The following NLK variants were observed in gnomAD, a reference collection of about 807,000 sequenced individuals.
The protein encoded by NLK is serine/threonine-protein kinase NLK.
NLK carries 11 observed loss-of-function variants against 59.0 expected under a neutral mutation model. The observed-to-expected ratio is 0.19, with a 90% confidence interval of 0.12 to 0.31. NLK has a LOEUF of 0.31. NLK is among the 10% of genes least tolerant of loss of function. NLK has a pLI of 1.00. For synonymous variants in NLK, 235 were observed against 235.9 expected (o/e 1.00, Z 0.03); for missense variants, 410 against 661.1 (o/e 0.62, Z 4.16).
chr17:28,071,949 C>T (rs1910019239), intron 1 of NLK, among the ~76,000 whole-genome samples: 1 of 152,224 alleles, frequency 6.6e-6, no homozygotes, highest in South Asian at 2.1e-4. Context: ...GCTTCTCTTT[C>T]TCTGGAGTTT....
At chr17:28,150,132 G>T (rs1907422189) in intron 3 of NLK, among the ~76,000 whole-genome samples, 1 of 152,146 alleles carries the variant, frequency 6.6e-6, no homozygotes, top group Non-Finnish European at 1.5e-5. Flanking sequence ...CCCAGCCTCA[G>T]TGTGCTTATT....
intron 10 of NLK, among the ~76,000 whole-genome samples, chr17:28,192,935 AGAG>A (rs1909360590): frequency 6.6e-6 from 1 of 152,138 alleles, no homozygotes; most frequent in African/African-American, 2.4e-5. Context: ...TAGCCTATTT[AGAG>A]GAGAAGTCAA....
intron 3 of NLK, among the ~76,000 whole-genome samples, chr17:28,143,946 T>G (rs1907125037): frequency 6.6e-6 from 1 of 152,246 alleles, no homozygotes; most frequent in African/African-American, 2.4e-5. Context: ...CGGTAAGCAT[T>G]TATTTGTAAT....
chr17:28,200,754 G>A (rs572291518), downstream of NLK, among the ~76,000 whole-genome samples: 1 of 152,310 alleles, frequency 6.6e-6, no homozygotes, highest in Non-Finnish European at 1.5e-5. Context: ...AAATTGTTGG[G>A]ATTACAGGCA....
At chr17:28,074,638 G>C (rs1234708796) in intron 1 of NLK, among the ~76,000 whole-genome samples, 2 of 152,132 alleles carry the variant, frequency 1.3e-5, no homozygotes, top group Non-Finnish European at 1.5e-5. Context: ...TACGAAAAGA[G>C]ATCTAAGGGC....
rs551519084 is a variant in NLK at position 28,043,414 on chromosome 17, C to T, written c.458+83C>T. 3.0e-5 allele frequency: 36 copies of T among 1,217,132 alleles called. No individual in the cohort carries two copies. The African/African-American group carries it at 5.0e-4, about 17-fold the overall frequency. 75.4% of individuals were successfully genotyped at this position (1,217,132 alleles called of 1,614,324 possible). On this transcript the variant is annotated intron_variant, in intron 1 of 10. Transcript: ENST00000407008. ...ATGAGTCCATCTCTAATGGTTGTCT[C>T]CATGTTGACCAAGGTGCAGCAAGCT...
At chr17:28,200,984 G>A (rs2142080577), downstream of NLK, among the ~76,000 whole-genome samples, 1 of 152,226 alleles carries the variant, frequency 6.6e-6, no homozygotes, top group Admixed American at 6.5e-5. Context: ...TTGCACTTTG[G>A]TCAAAAATCA....
At chr17:28,148,629 A>G (rs1907354408) in intron 3 of NLK, among the ~76,000 whole-genome samples, 1 of 152,216 alleles carries the variant, frequency 6.6e-6, no homozygotes, top group African/African-American at 2.4e-5. Flanking sequence ...CTTCACTAGC[A>G]GTTTAGACTT....
intron 1 of NLK, among the ~76,000 whole-genome samples, chr17:28,119,616 T>C (rs1327608241): frequency 1.3e-5 from 2 of 152,200 alleles, no homozygotes; most frequent in African/African-American, 4.8e-5. Flanking sequence ...ATTAAAATTA[T>C]TGTCATTTGG....
intron 5 of NLK, among the ~76,000 whole-genome samples, chr17:28,166,459 G>T (rs2142052330): frequency 6.6e-6 from 1 of 152,236 alleles, no homozygotes; most frequent in South Asian, 2.1e-4. Flanking sequence ...GTTTTCTTTA[G>T]AACGGGGTTT....
At chr17:28,129,299 A>G (rs1201204486) in intron 2 of NLK, among the ~76,000 whole-genome samples, 39 of 152,122 alleles carry the variant, frequency 2.6e-4, no homozygotes, top group Non-Finnish European at 1.5e-4. Flanking sequence ...CTAAAAATAC[A>G]AAAGTTAGCC....
At chr17:28,201,837 G>A in the NLK span, among the ~76,000 whole-genome samples, 4 of 152,010 alleles carry the variant, frequency 2.6e-5, no homozygotes, top group African/African-American at 9.7e-5. Context: ...CCAACATGGC[G>A]AAACCCTATC....
intron 1 of NLK, among the ~76,000 whole-genome samples, chr17:28,121,017 C>T (rs1567719611): frequency 6.6e-6 from 1 of 152,206 alleles, no homozygotes; most frequent in Non-Finnish European, 1.5e-5. Context: ...GATCTAGTCT[C>T]AGTCCTGTTC....
chr17:28,190,524 G>A (rs1909268858), intron 8 of NLK, among the ~76,000 whole-genome samples: 1 of 152,070 alleles, frequency 6.6e-6, no homozygotes, highest in South Asian at 2.1e-4. Flanking sequence ...ATGGCAGTCA[G>A]ACCACTGTCT....
At chr17:28,187,165 G>A (rs1597728283) in intron 8 of NLK, among the ~76,000 whole-genome samples, 1 of 152,172 alleles carries the variant, frequency 6.6e-6, no homozygotes, top group Non-Finnish European at 1.5e-5. Context: ...TTATGTGTTA[G>A]AAATATTTTA....
At chr17:28,072,006 C>T (rs1173103631) in intron 1 of NLK, among the ~76,000 whole-genome samples, 2 of 152,176 alleles carry the variant, frequency 1.3e-5, no homozygotes, top group Non-Finnish European at 2.9e-5. Context: ...TATACAACCA[C>T]CCAACTAACC....
rs1909438357 is a variant in NLK, at chr17:28,195,022, A to AAG, written c.*387_*388dup. ...ACACACACACACACACACAAACACA[A>AAG]AGGACAGTCATACATTTTGATATTT... On this transcript the variant is annotated 3_prime_UTR_variant, in exon 11 of 11. Coordinates refer to ENST00000407008, the MANE Select transcript of NLK (RefSeq NM_016231.5). 1 of 158,046 alleles carries AAG rather than the reference A, an allele frequency of 6.3e-6. No individual in the cohort carries two copies. The highest frequency in any genetic ancestry group is 6.5e-5 in the Admixed American group (1 of 15,360). The allele number at this position is 158,046 out of a possible 1,614,324, so 9.8% of individuals were successfully genotyped here. A position where few individuals can be genotyped will look rare whatever the true frequency, so the allele number is the denominator to read the frequency against.
chr17:28,074,200 A>G (rs1910098082), intron 1 of NLK, among the ~76,000 whole-genome samples: 1 of 152,210 alleles, frequency 6.6e-6, no homozygotes, highest in Non-Finnish European at 1.5e-5. Context: ...GCAAATGAAC[A>G]TTCACATCCC....
chr17:28,111,381 G>A (rs1905471544), intron 1 of NLK, among the ~76,000 whole-genome samples: 2 of 151,562 alleles, frequency 1.3e-5, no homozygotes, highest in South Asian at 4.2e-4. Flanking sequence ...TAGACACAGG[G>A]TTTCACCATG....
Sources: allele counts gnomAD v4.1 joint callset (sites outside exome capture counted in the v4.1 genomes callset), GRCh38; gene constraint gnomAD v4.1.1; transcripts MANE v1.5; gene names NCBI Gene and HGNC (gene_info 2026-07-23, HGNC 2026-07-21).